ASAP1: variants seen among roughly 807,000 people sequenced by gnomAD.
ASAP1 encodes the protein ArfGAP with SH3 domain, ankyrin repeat and PH domain 1, also known as arf-GAP with SH3 domain, ANK repeat and PH domain-containing protein 1.
A neutral mutation model predicts 145.2 loss-of-function variants in ASAP1; 43 were observed. The ratio of observed to expected loss-of-function variants is 0.30; its 90% CI spans 0.23 to 0.38. ASAP1 has a LOEUF of 0.38. Among genes scored for constraint, ASAP1 ranks in the 10% least tolerant of loss-of-function variants. The pLI is 1.00. For synonymous variants in ASAP1, 546 were observed against 515.5 expected (o/e 1.06, Z -0.80); for missense variants, 1,018 against 1,355.3 (o/e 0.75, Z 3.91).
At chr8:130,338,095 G>A (rs554415740) in intron 3 of ASAP1, among the ~76,000 whole-genome samples, 47 of 152,288 alleles carry the variant, frequency 3.1e-4, no homozygotes, top group Non-Finnish European at 4.4e-4. Flanking sequence ...GGGATAAGAC[G>A]ACCTAAGGAG....
chr8:130,144,254 C>T (rs929007904), intron 13 of ASAP1, among the ~76,000 whole-genome samples: 2 of 152,182 alleles, frequency 1.3e-5, no homozygotes, highest in Admixed American at 1.3e-4. Context: ...GCAATCAAGA[C>T]TATTGGCTTT....
At chr8:130,163,336 C>T (rs770186702) in intron 11 of ASAP1, among the ~76,000 whole-genome samples, 2 of 152,154 alleles carry the variant, frequency 1.3e-5, no homozygotes, top group Non-Finnish European at 2.9e-5. Context: ...ATCATTAAGA[C>T]GTTCCTTATA....
At chr8:130,359,914 C>G (rs56194038) in intron 2 of ASAP1, among the ~76,000 whole-genome samples, 2 of 152,240 alleles carry the variant, frequency 1.3e-5, no homozygotes, top group Non-Finnish European at 2.9e-5. Context: ...TGAGCCACCG[C>G]GCCCGGCCCA....
chr8:130,406,638 T>C (rs1363164766), intron 1 of ASAP1, among the ~76,000 whole-genome samples: 1 of 152,074 alleles, frequency 6.6e-6, no homozygotes, highest in Admixed American at 6.5e-5. Context: ...TGTGCCACCA[T>C]GCCCAGCTAA....
chr8:130,196,117 G>A (rs188376823), intron 5 of ASAP1, among the ~76,000 whole-genome samples: 1 of 152,254 alleles, frequency 6.6e-6, no homozygotes, highest in East Asian at 1.9e-4. Context: ...CGAGGCAGGC[G>A]GATCACCTGA....
In ASAP1 at chr8:130,054,662, T is replaced by C; in HGVS notation, c.*69A>G. 7.3e-7 allele frequency: 1 copy of C among 1,365,992 alleles called. No homozygotes were observed. Among genetic ancestry groups the C allele is most frequent in the South Asian group, 1.2e-5 (1 of 85,796 alleles). The allele number at this position is 1,365,992 out of a possible 1,614,324, so 84.6% of individuals were successfully genotyped here. ...TGTAACAGCAGCTATATACACACTG[T>C]GCCCAGGGTTACATGAAGGCAGCAG... On this transcript the variant is annotated 3_prime_UTR_variant, in exon 30 of 30. Transcript: ENST00000518721.
rs1826465733 is a variant in ASAP1, at chr8:130,358,215, G to A, written c.60-72C>T. ...GCGCAGGCTCCCGGGGCCGCGGGCC[G>A]CCCGGAGGCTCATGAACCCCGGCGC... On this transcript the variant is annotated intron_variant, in intron 2 of 29. Coordinates refer to ENST00000518721, the MANE Select transcript of ASAP1 (RefSeq NM_018482.4). The surrounding 1 kb of genome is among the most constrained non-coding windows in gnomAD (Gnocchi z 4.1). The A allele has an allele frequency of 2.2e-6, 3 of 1,379,340 alleles. No homozygotes were observed. The highest frequency in any genetic ancestry group is 4.3e-5 in the Admixed American group (2 of 46,340). 85.4% of individuals were successfully genotyped at this position (1,379,340 alleles called of 1,614,324 possible).
intron 5 of ASAP1, among the ~76,000 whole-genome samples, chr8:130,204,046 C>T (rs1343982213): frequency 6.6e-6 from 1 of 152,174 alleles, no homozygotes; most frequent in Non-Finnish European, 1.5e-5. Flanking sequence ...AGTCCCCAGG[C>T]CACGAACCGG....
intron 1 of ASAP1, among the ~76,000 whole-genome samples, chr8:130,404,834 T>C (rs1295062793): frequency 2.0e-5 from 3 of 152,164 alleles, no homozygotes; most frequent in Admixed American, 1.3e-4. Context: ...CAGTGTGCTG[T>C]TCCCAAGTCT....
At chr8:130,185,007 A>G (rs559680638) in intron 7 of ASAP1, among the ~76,000 whole-genome samples, 10 of 152,322 alleles carry the variant, frequency 6.6e-5, no homozygotes, top group African/African-American at 2.4e-4. Context: ...CAGAGTTCCA[A>G]ATAGAAGACC....
intron 1 of ASAP1, among the ~76,000 whole-genome samples, chr8:130,433,813 T>G (rs1013796943): frequency 6.6e-6 from 1 of 152,238 alleles, no homozygotes; most frequent in Admixed American, 6.5e-5. Context: ...ATTGCTTTAT[T>G]TGACACCCTT....
At chr8:130,114,732 C>G (rs777017796) in intron 23 of ASAP1, among the ~76,000 whole-genome samples, 3 of 149,042 alleles carry the variant, frequency 2.0e-5, no homozygotes, top group Non-Finnish European at 4.5e-5. Context: ...TAAATAACAA[C>G]TGTTATTTAC....
At chr8:130,064,893 ATGTGTGTGTGTGTGTGTGTGTG>A (rs34905534) in intron 27 of ASAP1, among the ~76,000 whole-genome samples, 8,529 of 142,648 alleles carry the variant, frequency 0.06, 325 homozygotes, top group Non-Finnish European at 0.085. Context: ...TTTACTAAGA[ATGTGTGTGTGTGTGTGTGTGTG>A]TGTGTGTGTG....
intron 3 of ASAP1, among the ~76,000 whole-genome samples, chr8:130,244,140 C>T (rs1818708672): frequency 6.6e-6 from 1 of 152,116 alleles, no homozygotes; most frequent in African/African-American, 2.4e-5. Flanking sequence ...TAAAAGGCCC[C>T]AACAGGTAGC....
chr8:130,424,786 G>A (rs754790576), intron 1 of ASAP1, among the ~76,000 whole-genome samples: 1 of 152,080 alleles, frequency 6.6e-6, no homozygotes, highest in African/African-American at 2.4e-5. Flanking sequence ...GAGGTCAGGA[G>A]ATCAAGACCA....
At chr8:130,315,518 A>ATAAGGAAGAGGCTCCTCT (rs1433969249) in intron 3 of ASAP1, among the ~76,000 whole-genome samples, 2 of 152,214 alleles carry the variant, frequency 1.3e-5, no homozygotes, top group East Asian at 3.8e-4. Context: ...TGAGCAGAGC[A>ATAAGGAAGAGGCTCCTCT]TAAGGAAGAG....
chr8:130,441,103 G>A (rs949967736), intron 1 of ASAP1, among the ~76,000 whole-genome samples: 2 of 152,216 alleles, frequency 1.3e-5, no homozygotes, highest in Admixed American at 1.3e-4. Flanking sequence ...AAAAGAGAAA[G>A]TGTGAGGCTG....
chr8:130,165,278 G>A (rs2097677726), intron 11 of ASAP1, among the ~76,000 whole-genome samples: 1 of 152,090 alleles, frequency 6.6e-6, no homozygotes, highest in African/African-American at 2.4e-5. Flanking sequence ...TAGGAAAGAG[G>A]TAATACTGTG....
intron 3 of ASAP1, among the ~76,000 whole-genome samples, chr8:130,285,804 G>A (rs980849019): frequency 1.3e-5 from 2 of 152,186 alleles, no homozygotes; most frequent in Non-Finnish European, 2.9e-5. Context: ...AAAGTTTTCC[G>A]CCTCTGGTTT....
Sources: allele counts gnomAD v4.1 joint callset (sites outside exome capture counted in the v4.1 genomes callset), GRCh38; gene constraint gnomAD v4.1.1; non-coding constraint Gnocchi (gnomAD v3.1); transcripts MANE v1.5; gene names NCBI Gene and HGNC (gene_info 2026-07-23, HGNC 2026-07-21).